BLK: variants seen among roughly 807,000 people sequenced by gnomAD.
BLK encodes tyrosine-protein kinase Blk.
Under a neutral mutation model 61.8 loss-of-function variants are expected in BLK, and 64 were observed. The observed-to-expected ratio is 1.03, with a 90% CI of 0.85 to 1.27. The LOEUF (loss-of-function observed/expected upper bound fraction) is 1.27. Among genes scored for constraint, BLK ranks in the 50% most tolerant of loss-of-function variants. The probability of loss-of-function intolerance (pLI) is 0.00; values close to 1 mark genes in which losing one functional copy is unlikely to be tolerated. For synonymous variants in BLK, 351 were observed against 272.0 expected, an observed-to-expected ratio of 1.29 and a Z score of -2.86; for missense variants, 853 against 660.5, an observed-to-expected ratio of 1.29 and a Z score of -3.19.
chr8:11,562,855 C>T, intron 11 of BLK, 124 bp from the exon 12 acceptor site: 1 of 1,403,164 alleles, frequency 7.1e-7, no homozygotes, highest in South Asian at 1.3e-5. Context: ...CCTGGCCGCC[C>T]CGCCCTGTGA....
intron 3 of BLK, 35 bp downstream of exon 3, chr8:11,546,138 A>C: frequency 6.2e-7 from 1 of 1,612,022 alleles, no homozygotes; most frequent in South Asian, 1.1e-5. Context: ...GAGGCTCCAC[A>C]GCCCTCTCCC....
At chr8:11,551,287 C>T (rs892369909) in intron 6 of BLK, among the ~76,000 whole-genome samples, 2 of 152,134 alleles carry the variant, frequency 1.3e-5, no homozygotes, top group African/African-American at 4.8e-5. Flanking sequence ...TGGAAGTCCA[C>T]GACCAAAGTG....
intron 12 of BLK, 91 bp downstream of exon 12, chr8:11,563,201 G>C: frequency 1.9e-6 from 3 of 1,575,992 alleles, no homozygotes; most frequent in East Asian, 2.3e-5. Flanking sequence ...TGGCTGCCCT[G>C]TTCTTTTCAG....
chr8:11,561,205 C>T, intron 10 of BLK, 97 bp from the exon 11 acceptor site: 1 of 1,514,040 alleles, frequency 6.6e-7, no homozygotes, highest in Non-Finnish European at 9.0e-7. Context: ...AGCTCCTTCC[C>T]CAGCAGCCCA....
chr8:11,515,401 G>T lies in BLK; in HGVS notation c.-2+20810G>T, dbSNP rs190946461. Among the ~76,000 whole-genome samples the T allele has an allele frequency of 4.6e-5, 7 of 152,318 alleles. No individual in the cohort carries two copies. In the East Asian group the frequency reaches 1.4e-3, roughly 29 times the overall value. ...CAGGAGCTGAGAGGTAGTGCCAGGG[G>T]TCAGCCATGTCAGTGGCTCCACCTG... On this transcript the variant is annotated intron_variant, in intron 1 of 12. Transcript: ENST00000259089.
At chr8:11,502,139 C>G (rs1446576317) in intron 1 of BLK, among the ~76,000 whole-genome samples, 1 of 152,172 alleles carries the variant, frequency 6.6e-6, no homozygotes, top group African/African-American at 2.4e-5. Context: ...GTTAAAGAAC[C>G]TCAAAGCATA....
chr8:11,522,588 C>G (rs937264701), intron 1 of BLK, among the ~76,000 whole-genome samples: 4 of 151,842 alleles, frequency 2.6e-5, no homozygotes, highest in African/African-American at 9.7e-5. Flanking sequence ...GTTGCCCATC[C>G]CAATGCATTT....
chr8:11,517,197 C>T (rs1240153972), intron 1 of BLK, among the ~76,000 whole-genome samples: 4 of 152,150 alleles, frequency 2.6e-5, no homozygotes, highest in East Asian at 3.8e-4. Context: ...GGCTTAGACC[C>T]GGCTCTCGGC....
At chr8:11,537,365 C>T (rs1800176114) in intron 1 of BLK, among the ~76,000 whole-genome samples, 1 of 152,178 alleles carries the variant, frequency 6.6e-6, no homozygotes, top group Non-Finnish European at 1.5e-5. Context: ...GGGTGAGTCC[C>T]AGCTTTGCCA....
At chr8:11,508,660 A>T (rs919915220) in intron 1 of BLK, among the ~76,000 whole-genome samples, 6 of 152,196 alleles carry the variant, frequency 3.9e-5, no homozygotes, top group Non-Finnish European at 8.8e-5. Context: ...GTCACTAGTC[A>T]ATCATTACTT....
At chr8:11,544,018 A>G (rs1358202673) in intron 2 of BLK, among the ~76,000 whole-genome samples, 1 of 150,232 alleles carries the variant, frequency 6.7e-6, no homozygotes, top group Admixed American at 6.6e-5. Context: ...GCTGGAGTGC[A>G]GTGGTGGGAC....
chr8:11,497,488 C>T (rs1036121305), intron 1 of BLK, among the ~76,000 whole-genome samples: 1 of 152,158 alleles, frequency 6.6e-6, no homozygotes, highest in African/African-American at 2.4e-5. Flanking sequence ...CAGCACACAC[C>T]CAGGGCTCTG....
At position 11,510,481 on chromosome 8, in the gene BLK, G is replaced by A. The variant is rs548905374; in HGVS notation, c.-2+15890G>A. ...GAATGATTGTGGGGCTTTGTCGGGG[G>A]AGAGGTCCTGAAGCTGAGCACAAAA... is the stretch of plus-strand genomic sequence containing the variant. On this transcript the variant is annotated intron_variant, in intron 1 of 12. Transcript: ENST00000259089. Among the ~76,000 whole-genome samples, 7 of 152,242 alleles carry A rather than the reference G, an allele frequency of 4.6e-5. No individual in the cohort carries two copies. The South Asian group carries it at 6.2e-4, about 14-fold the overall frequency.
chr8:11,510,058 G>T (rs1260354808), intron 1 of BLK, among the ~76,000 whole-genome samples: 1 of 152,012 alleles, frequency 6.6e-6, no homozygotes, highest in Non-Finnish European at 1.5e-5. Flanking sequence ...TGTTTCGTTT[G>T]CTTCCATATT....
intron 1 of BLK, among the ~76,000 whole-genome samples, chr8:11,511,371 C>G (rs910193611): frequency 3.3e-5 from 5 of 151,820 alleles, no homozygotes; most frequent in African/African-American, 1.2e-4. Context: ...TGCAGCACAC[C>G]AACATGGCAC....
At chr8:11,510,946 A>T (rs1271191523) in intron 1 of BLK, among the ~76,000 whole-genome samples, 1 of 152,216 alleles carries the variant, frequency 6.6e-6, no homozygotes, top group Non-Finnish European at 1.5e-5. Flanking sequence ...TCTTAACTAA[A>T]GGAAATGCTT....
chr8:11,537,708 C>A (rs896944099), intron 1 of BLK, among the ~76,000 whole-genome samples: 2 of 152,154 alleles, frequency 1.3e-5, no homozygotes, highest in African/African-American at 4.8e-5. Context: ...ATAACTGTAA[C>A]CAATTTATCA....
At chr8:11,545,158 G>A (rs1236878409) in intron 2 of BLK, among the ~76,000 whole-genome samples, 19 of 152,212 alleles carry the variant, frequency 1.2e-4, no homozygotes, top group East Asian at 1.9e-4. Flanking sequence ...ACATATCGAC[G>A]TTGATGCACG....
chr8:11,533,356 A>G (rs538770283), intron 1 of BLK, among the ~76,000 whole-genome samples: 3 of 152,248 alleles, frequency 2.0e-5, no homozygotes, highest in African/African-American at 7.2e-5. Flanking sequence ...TTCTCACTGC[A>G]CGCTCCCTTC....
Sources: gnomAD v4.1 joint callset for allele counts (sites outside exome capture counted in the v4.1 genomes callset) on GRCh38, gnomAD v4.1.1 for gene constraint, MANE v1.5 for transcripts, NCBI Gene and HGNC (gene_info 2026-07-23, HGNC 2026-07-21) for gene names.